MAGI2: variants seen among roughly 807,000 people sequenced by gnomAD.
The protein encoded by MAGI2 is membrane associated guanylate kinase, WW and PDZ domain containing 2, also known as membrane-associated guanylate kinase, WW and PDZ domain-containing protein 2.
Under a neutral mutation model 133.3 loss-of-function variants are expected in MAGI2, and 35 were observed. The observed-to-expected ratio is 0.26, with a 90% CI of 0.20 to 0.35. The LOEUF (loss-of-function observed/expected upper bound fraction) is 0.35. MAGI2 is among the 10% of genes least tolerant of loss of function. The probability of loss-of-function intolerance (pLI) is 1.00; values close to 1 mark genes in which losing one functional copy is unlikely to be tolerated. For synonymous variants in MAGI2, 729 were observed against 710.6 expected (o/e 1.03, Z -0.41); for missense variants, 1,636 against 1,863.4 (o/e 0.88, Z 2.25).
At chr7:79,120,835 T>C (rs950096857) in intron 1 of MAGI2, among the ~76,000 whole-genome samples, 1 of 152,082 alleles carries the variant, frequency 6.6e-6, no homozygotes, top group Non-Finnish European at 1.5e-5. Context: ...CTCACCAAAG[T>C]ATAAAAACCG....
At chr7:78,933,223 T>C (rs1334048177) in intron 2 of MAGI2, among the ~76,000 whole-genome samples, 1 of 152,098 alleles carries the variant, frequency 6.6e-6, no homozygotes, top group Non-Finnish European at 1.5e-5. Flanking sequence ...TGAAATTTCA[T>C]TAAAAATAAT....
intron 2 of MAGI2, among the ~76,000 whole-genome samples, chr7:78,899,908 A>G (rs1318423741): frequency 3.3e-5 from 5 of 152,214 alleles, no homozygotes; most frequent in Non-Finnish European, 1.5e-5. Flanking sequence ...CTCAGAAATT[A>G]GAGATTTCTT....
chr7:78,824,708 C>G (rs1211941313), intron 2 of MAGI2, among the ~76,000 whole-genome samples: 1 of 152,050 alleles, frequency 6.6e-6, no homozygotes, highest in Non-Finnish European at 1.5e-5. Context: ...AACATTTTCT[C>G]CCATTCTGTA....
intron 2 of MAGI2, among the ~76,000 whole-genome samples, chr7:78,680,033 C>T (rs752926176): frequency 3.9e-5 from 6 of 152,242 alleles, no homozygotes; most frequent in Non-Finnish European, 8.8e-5. Flanking sequence ...AGGTCTTCTT[C>T]ATCTATCTTT....
intron 16 of MAGI2, among the ~76,000 whole-genome samples, chr7:78,147,548 G>T (rs929689524): frequency 6.6e-6 from 1 of 151,998 alleles, no homozygotes; most frequent in African/African-American, 2.4e-5. Flanking sequence ...GCTAACGTAA[G>T]AAATGAATGG....
chr7:79,206,048 A>G (rs534027992), intron 1 of MAGI2, among the ~76,000 whole-genome samples: 61 of 151,914 alleles, frequency 4.0e-4, no homozygotes, highest in African/African-American at 1.5e-3. Context: ...GAAACACAAC[A>G]TACCAAAACA....
intron 2 of MAGI2, among the ~76,000 whole-genome samples, chr7:78,735,441 A>G (rs964923249): frequency 2.6e-5 from 4 of 152,220 alleles, no homozygotes; most frequent in African/African-American, 9.6e-5. Context: ...GTCCTTTTCA[A>G]ATATTTCATG....
chr7:78,531,036 A>G (rs2150623362), intron 3 of MAGI2, among the ~76,000 whole-genome samples: 1 of 152,136 alleles, frequency 6.6e-6, no homozygotes, highest in East Asian at 1.9e-4. Flanking sequence ...CTGGGAGGGT[A>G]GATATGATGA....
At chr7:78,073,985 G>A (rs912264054) in intron 21 of MAGI2, among the ~76,000 whole-genome samples, 1 of 152,164 alleles carries the variant, frequency 6.6e-6, no homozygotes, top group Non-Finnish European at 1.5e-5. Context: ...GAGGACTGGA[G>A]TGGAGTTGAA....
chr7:78,432,514 T>C (rs1337148410), intron 6 of MAGI2, among the ~76,000 whole-genome samples: 1 of 151,746 alleles, frequency 6.6e-6, no homozygotes, highest in East Asian at 1.9e-4. Context: ...CTAAAACGTG[T>C]CTTTCTTCGT....
At chr7:79,199,264 G>T (rs1196417401) in intron 1 of MAGI2, among the ~76,000 whole-genome samples, 1 of 151,888 alleles carries the variant, frequency 6.6e-6, no homozygotes, top group Non-Finnish European at 1.5e-5. Context: ...TGCATTTGGA[G>T]GGCAGAAGGT....
chr7:79,412,083 T>G (rs1323352210), intron 1 of MAGI2: 1 of 151,436 alleles, frequency 6.6e-6, no homozygotes, highest in African/African-American at 2.4e-5. Context: ...TTGTTTTATT[T>G]CCTAAACTAC....
At chr7:79,299,865 A>G (rs1837255264) in intron 1 of MAGI2, among the ~76,000 whole-genome samples, 1 of 152,026 alleles carries the variant, frequency 6.6e-6, no homozygotes, top group Admixed American at 6.6e-5. Context: ...CTGGTCATTT[A>G]AAAGTATGTG....
intron 4 of MAGI2, among the ~76,000 whole-genome samples, chr7:78,514,281 AT>A (rs1314069344): frequency 1.3e-5 from 2 of 150,812 alleles, no homozygotes; most frequent in Admixed American, 1.3e-4. Flanking sequence ...CATTATAATT[AT>A]AAAATTATTA....
intron 3 of MAGI2, among the ~76,000 whole-genome samples, chr7:78,566,166 G>C (rs1563178143): frequency 6.6e-6 from 1 of 152,148 alleles, no homozygotes; most frequent in South Asian, 2.1e-4. Context: ...ATGCCTCACA[G>C]AACCATGTGA....
chr7:78,476,446 A>C (rs960549343), intron 6 of MAGI2, among the ~76,000 whole-genome samples: 1 of 151,990 alleles, frequency 6.6e-6, no homozygotes, highest in Non-Finnish European at 1.5e-5. Context: ...TCAAGGGTTA[A>C]TTTTGTTGGC....
intron 2 of MAGI2, among the ~76,000 whole-genome samples, chr7:78,991,321 C>T (rs539795125): frequency 6.6e-6 from 1 of 151,444 alleles, no homozygotes; most frequent in Admixed American, 6.6e-5. Flanking sequence ...CACACATACA[C>T]ACACACACAC....
intron 6 of MAGI2, among the ~76,000 whole-genome samples, chr7:78,389,642 T>A (rs781281072): frequency 2.1e-4 from 32 of 152,346 alleles, no homozygotes; most frequent in African/African-American, 7.0e-4. Context: ...TGTGATTTTA[T>A]GCTCTTTAAT....
At chr7:78,964,006 A>G (rs1052438177) in intron 2 of MAGI2, among the ~76,000 whole-genome samples, 1 of 152,044 alleles carries the variant, frequency 6.6e-6, no homozygotes, top group Non-Finnish European at 1.5e-5. Context: ...GAGGAGGCCC[A>G]GCCTCCAAAA....
Sources: allele counts gnomAD v4.1 joint callset (sites outside exome capture counted in the v4.1 genomes callset), GRCh38; gene constraint gnomAD v4.1.1; transcripts MANE v1.5; gene names NCBI Gene and HGNC (gene_info 2026-07-23, HGNC 2026-07-21).